Variants in TECTA observed in about 807,000 individuals in gnomAD.
TECTA encodes the protein alpha-tectorin.
A neutral mutation model predicts 216.8 loss-of-function variants in TECTA; 128 were observed. The observed-to-expected ratio is 0.59, with a 90% CI of 0.51 to 0.68. The LOEUF is 0.68. TECTA is among the 30% of genes least tolerant of loss of function. The pLI, the probability that TECTA is intolerant of heterozygous loss-of-function variation, is 0.00. For synonymous variants in TECTA, 1,089 were observed against 1,117.1 expected, an observed-to-expected ratio of 0.97 and a Z score of 0.50; for missense variants, 2,551 against 2,786.2, an observed-to-expected ratio of 0.92 and a Z score of 1.90.
chr11:121,180,790 G>T (rs1947219507), intron 20 of TECTA, among the ~76,000 whole-genome samples: 1 of 146,538 alleles, frequency 6.8e-6, no homozygotes, highest in African/African-American at 2.5e-5. Context: ...TTTAACATAG[G>T]ATTTCTTCTT....
chr11:121,129,976 G>A lies in TECTA; in HGVS notation c.2706G>A (p.Leu902=), dbSNP rs1339105425. The change falls in exon 10 of 24, where the codon CTG becomes CTA. Residue 902 remains leucine, a synonymous_variant. Coordinates refer to ENST00000392793, the MANE Select transcript of TECTA (RefSeq NM_005422.4). ...AGGCCTGCAACAATGACTCGGAGCTGCTCAAGTTTTATCGAAGCCGCTCCA... is the reference window on the plus strand; with the variant it reads ...AGGCCTGCAACAATGACTCGGAGCTACTCAAGTTTTATCGAAGCCGCTCCA... ...LLKACNNDSE[L]LKFYRSRSRC... is the part of the protein sequence containing the mutation. 2 of 1,605,536 alleles carry A rather than the reference G, an allele frequency of 1.2e-6. No individual in the cohort carries two copies. The highest frequency in any genetic ancestry group is 8.5e-7 in the Non-Finnish European group (1 of 1,174,492).
intron 18 of TECTA, among the ~76,000 whole-genome samples, chr11:121,167,052 T>A (rs923768145): frequency 6.6e-6 from 1 of 152,192 alleles, no homozygotes; most frequent in East Asian, 1.9e-4. Flanking sequence ...GATTGTGTCT[T>A]CTTTTCTGCT....
Position 121,137,607 on chromosome 11 carries a change from A to G in TECTA, c.3128A>G (p.His1043Arg). 1 of 1,613,980 alleles carries G rather than the reference A, an allele frequency of 6.2e-7. No homozygotes were observed. The highest frequency in any genetic ancestry group is 1.1e-5 in the South Asian group (1 of 91,068). ...GAGTGTGGCTGCAACTTTGAGGGGCACCAACTTGCCACCAATGAGACCTTC... is the reference window on the plus strand; with the variant it reads ...GAGTGTGGCTGCAACTTTGAGGGGCGCCAACTTGCCACCAATGAGACCTTC... ...RSECGCNFEG[H>R]QLATNETFWV... Residue 1043 changes from histidine (H) to arginine (R), a missense_variant, in exon 11 of 24, where the codon CAC becomes CGC. This residue lies in a region of TECTA where 2,375 missense variants were observed against 2,563.9 expected (regional missense o/e 0.93). Transcript: ENST00000392793.
chr11:121,125,741 A>G lies in TECTA; in HGVS notation c.1643A>G (p.His548Arg). The G allele has an allele frequency of 1.2e-6, 2 of 1,614,006 alleles. No homozygotes were observed. The highest frequency in any genetic ancestry group is 1.6e-4 in the Middle Eastern group (1 of 6,062). ...GTCGTGGACCCCACTGCTTTTGTGC[A>G]CAGCTGCGTGTATGACCTGTGCAGT... is the stretch of plus-strand genomic sequence containing the variant. ...GTVVDPTAFV[H>R]SCVYDLCSVR... The change falls in exon 8 of 24, where the codon CAC becomes CGC. Residue 548 changes from histidine (H) to arginine (R), a missense_variant. Coordinates refer to ENST00000392793, the MANE Select transcript of TECTA (RefSeq NM_005422.4).
chr11:121,160,066 C>T (rs1565533539), intron 14 of TECTA, 69 bp from the exon 15 acceptor site: 1 of 1,601,910 alleles, frequency 6.2e-7, no homozygotes, highest in Non-Finnish European at 8.5e-7. Flanking sequence ...TTTTCCCTGG[C>T]CCTTTCCTGA....
chr11:121,165,969 C>T (rs529446719), intron 17 of TECTA, among the ~76,000 whole-genome samples: 1 of 152,278 alleles, frequency 6.6e-6, no homozygotes, highest in Non-Finnish European at 1.5e-5. Flanking sequence ...TAACAGCATT[C>T]GGGAATGAAA....
chr11:121,130,823 C>T (rs997534131), intron 10 of TECTA, among the ~76,000 whole-genome samples: 11 of 151,978 alleles, frequency 7.2e-5, no homozygotes, highest in African/African-American at 2.7e-4. Context: ...GAAAGCAGGA[C>T]TCACTCGTGG....
At chr11:121,151,628 C>A (rs1285511029) in intron 12 of TECTA, among the ~76,000 whole-genome samples, 1 of 152,154 alleles carries the variant, frequency 6.6e-6, no homozygotes, top group African/African-American at 2.4e-5. Flanking sequence ...GCCATTTCAT[C>A]ACGCTTTTTC....
chr11:121,191,054 T>A lies in TECTA; in HGVS notation c.*248T>A, dbSNP rs2134218959. The A allele has an allele frequency of 2.4e-6, 1 of 409,552 alleles. No homozygotes were observed. Among genetic ancestry groups the A allele is most frequent in the East Asian group, 5.4e-5 (1 of 18,664 alleles). 25.4% of individuals were successfully genotyped at this position (409,552 alleles called of 1,614,324 possible). A position where few individuals can be genotyped will look rare whatever the true frequency, so the allele number is the denominator to read the frequency against. ...CTCTTGTGTAAAATTCCCAAACAGT[T>A]GTCACTAGAGACTTTGGTTCACATG... On this transcript the variant is annotated 3_prime_UTR_variant, in exon 24 of 24. Coordinates refer to ENST00000392793, the MANE Select transcript of TECTA (RefSeq NM_005422.4).
chr11:121,102,195 T>C (rs1448541703), intron 1 of TECTA, among the ~76,000 whole-genome samples: 1 of 152,162 alleles, frequency 6.6e-6, no homozygotes, highest in African/African-American at 2.4e-5. Context: ...GTAGAACACA[T>C]TGTGTTTTAA....
At chr11:121,189,383 T>C (rs916538189) in intron 22 of TECTA, among the ~76,000 whole-genome samples, 8 of 151,740 alleles carry the variant, frequency 5.3e-5, no homozygotes, top group Non-Finnish European at 7.4e-5. Context: ...CTCTTTTTTT[T>C]TTTTCTTTGA....
chr11:121,125,209 G>C, intron 7 of TECTA, 93 bp from the exon 8 acceptor site: 2 of 1,298,476 alleles, frequency 1.5e-6, no homozygotes, highest in African/African-American at 2.9e-5. Context: ...TCTCTGGAGT[G>C]TTGAGTTGCT....
intron 20 of TECTA, among the ~76,000 whole-genome samples, chr11:121,176,120 A>G (rs1591467698): frequency 6.6e-6 from 1 of 151,492 alleles, no homozygotes; most frequent in South Asian, 2.1e-4. Context: ...CAGCACACTG[A>G]TGGGTCTTGA....
In TECTA at chr11:121,109,389, C is replaced by A. The variant is rs1378716572; in HGVS notation, c.377C>A (p.Thr126Asn). 1 of 1,614,146 alleles carries A rather than the reference C, an allele frequency of 6.2e-7. No individual in the cohort carries two copies. Residue 126 changes from threonine to asparagine, a missense_variant, in exon 4 of 24, where the codon ACC becomes AAC. Thr to Asn is a moderately conservative substitution (Grantham distance 65). Transcript: ENST00000392793. Reference protein sequence around the residue: ...TMEPAILKRATKDIRKYFKDM... With the variant: ...TMEPAILKRANKDIRKYFKDM... ...GAGCCTGCCATCTTGAAAAGAGCCA[C>A]CAAGGACATCAGGAAGTACTTCAAA...
Position 121,146,035 on chromosome 11 carries a change from T to A in TECTA, c.4024T>A (p.Cys1342Ser). 1 of 1,613,852 alleles carries A rather than the reference T, an allele frequency of 6.2e-7. No homozygotes were observed. The highest frequency in any genetic ancestry group is 8.5e-7 in the Non-Finnish European group (1 of 1,180,044). The change falls in exon 12 of 24, where the codon TGC becomes AGC. Residue 1342 changes from cysteine to serine, a missense_variant. This residue lies in a region of TECTA where 2,375 missense variants were observed against 2,563.9 expected (regional missense o/e 0.93). Transcript: ENST00000392793. ...CGATGGGGGCGCGGTGCAGACCGCC[T>A]GCAGCTGGCTGCAGAACTACGCCAG... Reference protein sequence around the residue: ...CIDGGAVQTACSWLQNYASTC... With the variant: ...CIDGGAVQTASSWLQNYASTC...
chr11:121,174,269 C>T (rs886286480), intron 20 of TECTA, among the ~76,000 whole-genome samples: 4 of 151,012 alleles, frequency 2.6e-5, no homozygotes, highest in African/African-American at 9.8e-5. Context: ...GTCTTGTGCC[C>T]GTTTTCAAAG....
chr11:121,151,771 CTA>C (rs1179532374), intron 12 of TECTA, among the ~76,000 whole-genome samples: 1 of 152,108 alleles, frequency 6.6e-6, no homozygotes, highest in Non-Finnish European at 1.5e-5. Flanking sequence ...ACTGTGTACT[CTA>C]AAAGTAGGTG....
chr11:121,158,217 C>T lies in TECTA; in HGVS notation c.4682C>T (p.Thr1561Met), dbSNP rs759130719. 3 of 1,612,532 alleles carry T rather than the reference C, an allele frequency of 1.9e-6. No homozygotes were observed. Among genetic ancestry groups the T allele is most frequent in the South Asian group, 1.1e-5 (1 of 91,080 alleles). ...CAGATTCTCATCAACGACCGGAACA[C>T]GGTCAAGGTAACCAGCCTGGCGGCC... Reference protein sequence around the residue: ...EEQILINDRNTVKVNGTQVNV... With the variant: ...EEQILINDRNMVKVNGTQVNV... The change falls in exon 14 of 24, where the codon ACG becomes ATG. Residue 1561 changes from threonine (T) to methionine (M), a missense_variant. By Grantham distance (81) the Thr-to-Met change is moderately conservative. Around this residue, in one of 3 missense-constraint regions of TECTA, gnomAD observed 2,375 missense variants for 2,563.9 expected, o/e 0.93. Coordinates refer to ENST00000392793, the MANE Select transcript of TECTA (RefSeq NM_005422.4).
chr11:121,152,133 ACCCTACC>A (rs1383530657), intron 12 of TECTA, among the ~76,000 whole-genome samples: 1 of 152,238 alleles, frequency 6.6e-6, no homozygotes, highest in African/African-American at 2.4e-5. Context: ...CTTCACCAGG[ACCCTACC>A]TGCCTTCTAT....
Sources: gnomAD v4.1 joint callset for allele counts (sites outside exome capture counted in the v4.1 genomes callset) on GRCh38, gnomAD v4.1.1 for gene constraint, gnomAD v4.1.1 regional missense constraint, MANE v1.5 for transcripts, NCBI Gene and HGNC (gene_info 2026-07-23, HGNC 2026-07-21) for gene names.